The following PEX10 variants were observed in gnomAD, a reference collection of about 807,000 sequenced individuals.
The protein encoded by PEX10 is peroxisomal biogenesis factor 10.
A neutral mutation model predicts 38.0 loss-of-function variants in PEX10; 32 were observed. That is an observed-to-expected ratio of 0.84 (90% CI 0.63 to 1.13). The LOEUF is 1.13. PEX10 is among the 50% of genes most tolerant of loss of function. The probability of loss-of-function intolerance (pLI) is 0.00; values close to 1 mark genes in which losing one functional copy is unlikely to be tolerated. For synonymous variants in PEX10, 206 were observed against 207.3 expected (o/e 0.99, Z 0.05); for missense variants, 483 against 457.7 (o/e 1.06, Z -0.51).
In PEX10 at chr1:2,408,633, CCT is replaced by C. The variant is rs776590711; in HGVS notation, c.417_418del (p.Arg142AlafsTer12). 2.5e-6 allele frequency: 4 copies of C among 1,610,742 alleles called. No individual in the cohort carries two copies. The highest frequency in any genetic ancestry group is 2.5e-6 in the Non-Finnish European group (3 of 1,179,324). ...GTGGTGACGCATCCAGCGCCGCGCC[CCT>C]GAGCAGCCACGCCCACCTGGCCCCA... On this transcript the variant is annotated frameshift_variant, in exon 3 of 6. Transcript: ENST00000447513. LOFTEE classifies it high-confidence loss of function.
chr1:2,412,555 G>C lies in PEX10; in HGVS notation c.-53C>G, dbSNP rs1028936496. The C allele has an allele frequency of 5.6e-6, 7 of 1,247,080 alleles. No homozygotes were observed. The highest frequency in any genetic ancestry group is 2.2e-5 in the South Asian group (1 of 44,748). The allele number at this position is 1,247,080 out of a possible 1,614,324, so 77.3% of individuals were successfully genotyped here. A position where few individuals can be genotyped will look rare whatever the true frequency, so the allele number is the denominator to read the frequency against. On this transcript the variant is annotated 5_prime_UTR_variant, in exon 1 of 6. Transcript: ENST00000447513. Reference sequence around the variant, plus strand: ...GCCACGCCGGCCACGCCCACGCCCAGACGGGCGAGAACTGATGACGGCACG... The same window carrying C: ...GCCACGCCGGCCACGCCCACGCCCACACGGGCGAGAACTGATGACGGCACG...
upstream of PEX10, among the ~76,000 whole-genome samples, chr1:2,412,798 G>C (rs1209764200): frequency 1.3e-5 from 2 of 152,110 alleles, no homozygotes; most frequent in South Asian, 2.1e-4. Flanking sequence ...CGCGAGGGGC[G>C]CTGGCGAGGC....
rs760677467 is a variant in PEX10 at position 2,405,172 on chromosome 1, G to A, written c.*594C>T. 11 of 178,092 alleles carry A rather than the reference G, an allele frequency of 6.2e-5. No homozygotes were observed. The highest frequency in any genetic ancestry group is 1.5e-4 in the East Asian group (1 of 6,712). 11.0% of individuals were successfully genotyped at this position (178,092 alleles called of 1,614,324 possible). A position where few individuals can be genotyped will look rare whatever the true frequency, so the allele number is the denominator to read the frequency against. ...GGTGTGTGTGCCAAATGCTTCCGAC[G>A]GAGGTGCTGGCCTTGGTTGGTTTCT... On this transcript the variant is annotated 3_prime_UTR_variant, in exon 6 of 6. Transcript: ENST00000447513.
At position 2,412,507 on chromosome 1, in the gene PEX10, G is replaced by C. The variant is rs1643280296; in HGVS notation, c.-5C>G. 1 of 1,355,248 alleles carries C rather than the reference G, an allele frequency of 7.4e-7. No individual in the cohort carries two copies. The highest frequency in any genetic ancestry group is 1.5e-5 in the African/African-American group (1 of 65,506). The allele number at this position is 1,355,248 out of a possible 1,614,324, so 84.0% of individuals were successfully genotyped here. The stretch of plus-strand genomic sequence containing the variant: ...GCTGGCGGCGGCCGGGGCCATGGCC[G>C]CGGGTTCGGGTGGTCCCGAGCAGCC... On this transcript the variant is annotated 5_prime_UTR_variant, in exon 1 of 6. Coordinates refer to ENST00000447513, the MANE Select transcript of PEX10 (RefSeq NM_002617.4).
At position 2,410,974 on chromosome 1, in the gene PEX10, CA is replaced by C; in HGVS notation, c.113-524del. 1 of 421,632 alleles carries C rather than the reference CA, an allele frequency of 2.4e-6. No homozygotes were observed. Among genetic ancestry groups the C allele is most frequent in the Non-Finnish European group, 4.8e-6 (1 of 207,594 alleles). 26.1% of individuals were successfully genotyped at this position (421,632 alleles called of 1,614,324 possible). The stretch of plus-strand genomic sequence containing the variant: ...ACTGTAAAACAAGTAAGTACACACA[CA>C]AAAAATTCTCATCATGTCACTCTCC... On this transcript the variant is annotated intron_variant, in intron 1 of 5. Coordinates refer to ENST00000447513, the MANE Select transcript of PEX10 (RefSeq NM_002617.4). The surrounding 1 kb of genome is among the most constrained non-coding windows in gnomAD (Gnocchi z 5.1).
At position 2,408,518 on chromosome 1, in the gene PEX10, A is replaced by G. The variant is rs1570105385; in HGVS notation, c.534T>C (p.His178=). ...RQGLACLQRL[H]VAWFYIHGVF... is the part of the protein sequence containing the mutation. Reference sequence around the variant, plus strand: ...CACCGTGGATGTAAAACCAGGCAACATGTAGCCGCTGGAGGCAGGCGAGGC... The same window carrying G: ...CACCGTGGATGTAAAACCAGGCAACGTGTAGCCGCTGGAGGCAGGCGAGGC... Residue 178 remains histidine, a synonymous_variant, in exon 3 of 6, where the codon CAT becomes CAC. Transcript: ENST00000447513. 1 of 1,612,930 alleles carries G rather than the reference A, an allele frequency of 6.2e-7. No individual in the cohort carries two copies. Among genetic ancestry groups the G allele is most frequent in the East Asian group, 2.2e-5 (1 of 44,878 alleles).
At position 2,405,831 on chromosome 1, in the gene PEX10, C is replaced by G; in HGVS notation, c.916G>C (p.Glu306Gln). 6.3e-7 allele frequency: 1 copy of G among 1,593,482 alleles called. No homozygotes were observed. Among genetic ancestry groups the G allele is most frequent in the Non-Finnish European group, 8.5e-7 (1 of 1,170,870 alleles). ...CITAWCSSKAECPLCREKFPP... is the reference protein window; with the variant it reads ...CITAWCSSKAQCPLCREKFPP... ...AACTTCTCCCGGCAGAGGGGACACT[C>G]CGCCTGCGGAGAGGAGAAAGGGGGT... is the stretch of plus-strand genomic sequence containing the variant. The change falls in exon 6 of 6, where the codon GAG becomes CAG. Residue 306 changes from glutamate (E) to glutamine (Q), a missense_variant. Transcript: ENST00000447513.
At chr1:2,408,238 G>T (rs1362601294) in intron 3 of PEX10, among the ~76,000 whole-genome samples, 1 of 152,178 alleles carries the variant, frequency 6.6e-6, no homozygotes, top group Admixed American at 6.5e-5. Flanking sequence ...TACACTTAGG[G>T]TCTGGACTTC....
At position 2,408,712 on chromosome 1, in the gene PEX10, C is replaced by G; in HGVS notation, c.340G>C (p.Glu114Gln). ...TCGGGGTCAGCCTGCAGCTCCTGCT[C>G]CAGGGGGAGCAGGGCCTTGTCCAGC... ...YLLDKALLPL[E>Q]QELQADPDSG... Residue 114 changes from glutamate to glutamine, a missense_variant, in exon 3 of 6, where the codon GAG becomes CAG. By Grantham distance (29) the Glu-to-Gln change is conservative (BLOSUM62 2). Coordinates refer to ENST00000447513, the MANE Select transcript of PEX10 (RefSeq NM_002617.4). 6.2e-7 allele frequency: 1 copy of G among 1,613,668 alleles called. No homozygotes were observed. Among genetic ancestry groups the G allele is most frequent in the South Asian group, 1.1e-5 (1 of 91,082 alleles).
chr1:2,408,652 C>T lies in PEX10; in HGVS notation c.400G>A (p.Gly134Ser), dbSNP rs769426993. Reference sequence around the variant, plus strand: ...CGCGCCCCTGAGCAGCCACGCCCACCTGGCCCCAGGCTCCCCTGCAAGGGT... The same window carrying T: ...CGCGCCCCTGAGCAGCCACGCCCACTTGGCCCCAGGCTCCCCTGCAAGGGT... ...GRPLQGSLGP[G>S]GRGCSGARRW... Residue 134 changes from glycine (G) to serine (S), a missense_variant, in exon 3 of 6, where the codon GGT becomes AGT. Physicochemically the swap from Gly to Ser is moderately conservative, Grantham distance 56 (BLOSUM62 0). Coordinates refer to ENST00000447513, the MANE Select transcript of PEX10 (RefSeq NM_002617.4). The T allele has an allele frequency of 6.2e-7, 1 of 1,611,252 alleles. No homozygotes were observed. Among genetic ancestry groups the T allele is most frequent in the Non-Finnish European group, 8.5e-7 (1 of 1,179,102 alleles).
chr1:2,407,212 A>AG (rs1460798396), intron 3 of PEX10, among the ~76,000 whole-genome samples: 1 of 152,216 alleles, frequency 6.6e-6, no homozygotes, highest in African/African-American at 2.4e-5. Flanking sequence ...CTCTCAGAAA[A>AG]GGAGGCGGGG....
chr1:2,411,453 G>A (rs1347594204), intron 1 of PEX10, among the ~76,000 whole-genome samples: 3 of 151,606 alleles, frequency 2.0e-5, no homozygotes, highest in Admixed American at 6.6e-5. Context: ...GACTGGTCTC[G>A]AACTCCTGAC....
chr1:2,405,662 A>G lies in PEX10; in HGVS notation c.*104T>C, dbSNP rs954486147. On this transcript the variant is annotated 3_prime_UTR_variant, in exon 6 of 6. Transcript: ENST00000447513. Reference sequence around the variant, plus strand: ...TAGTATCTTACATGACAAAAAACTGAGAGTGTTCTAACTTCTGTGCAAGCA... The same window carrying G: ...TAGTATCTTACATGACAAAAAACTGGGAGTGTTCTAACTTCTGTGCAAGCA... The G allele has an allele frequency of 9.7e-7, 1 of 1,025,956 alleles. No homozygotes were observed. The highest frequency in any genetic ancestry group is 2.6e-5 in the East Asian group (1 of 38,596). 63.6% of individuals were successfully genotyped at this position (1,025,956 alleles called of 1,614,324 possible).
chr1:2,410,195 T>G lies in PEX10; in HGVS notation c.193+176A>C. On this transcript the variant is annotated intron_variant, in intron 2 of 5. Coordinates refer to ENST00000447513, the MANE Select transcript of PEX10 (RefSeq NM_002617.4). The surrounding 1 kb of genome is among the most constrained non-coding windows in gnomAD (Gnocchi z 5.1). The stretch of plus-strand genomic sequence containing the variant: ...ACAAAGGCTGGAAAAGTCGGCTCCC[T>G]GCTGGGAGCAGATGCCTCGCCTCCC... 1.5e-6 allele frequency: 1 copy of G among 652,822 alleles called. No homozygotes were observed. Among genetic ancestry groups the G allele is most frequent in the South Asian group, 1.6e-5 (1 of 61,128 alleles). The allele number at this position is 652,822 out of a possible 1,614,324, so 40.4% of individuals were successfully genotyped here.
chr1:2,413,308 C>G (rs1643348742), upstream of PEX10, among the ~76,000 whole-genome samples: 1 of 152,274 alleles, frequency 6.6e-6, no homozygotes, highest in African/African-American at 2.4e-5. Flanking sequence ...CCACCCTCCA[C>G]CCTGCCTGGC....
At position 2,406,819 on chromosome 1, in the gene PEX10, A is replaced by G. The variant is rs746710198; in HGVS notation, c.677T>C (p.Leu226Pro). The G allele has an allele frequency of 8.1e-6, 13 of 1,610,936 alleles. No homozygotes were observed. The Admixed American group carries it at 1.2e-4, about 15-fold the overall frequency. The change falls in exon 4 of 6, where the codon CTG (leucine) becomes CCG (proline). Residue 226 changes from leucine to proline, a missense_variant. Leu to Pro is a moderately conservative substitution (Grantham distance 98). Coordinates refer to ENST00000447513, the MANE Select transcript of PEX10 (RefSeq NM_002617.4). ...CAGCCCCATGGACAGCACCAGGTGC[A>G]GCAGTGAGATGACCCCCAGCAGCCT... ...SYRLLGVISLLHLVLSMGLQL... is the reference protein window; with the variant it reads ...SYRLLGVISLPHLVLSMGLQL...
rs1193231965 is a variant in PEX10, at chr1:2,409,526, C to T, written c.194-668G>A. Among the ~76,000 whole-genome samples, 5 of 152,198 alleles carry T rather than the reference C, an allele frequency of 3.3e-5. No homozygotes were observed. Among genetic ancestry groups the T allele is most frequent in the Non-Finnish European group, 7.3e-5 (5 of 68,040 alleles). On this transcript the variant is annotated intron_variant, in intron 2 of 5. Coordinates refer to ENST00000447513, the MANE Select transcript of PEX10 (RefSeq NM_002617.4). This position sits in a 1 kb window ranked among gnomAD's most constrained non-coding sequence, Gnocchi z 6.2. ...GCCCCTGCTCTGTACCACCACCATC[C>T]TGTGGGGGACTGTCACAGCCTCTGT...
rs1031145078 is a variant in PEX10 at position 2,410,213 on chromosome 1, C to A, written c.193+158G>T. 5.8e-6 allele frequency: 4 copies of A among 687,274 alleles called. No homozygotes were observed. The highest frequency in any genetic ancestry group is 1.1e-5 in the Non-Finnish European group (4 of 377,100). The allele number at this position is 687,274 out of a possible 1,614,324, so 42.6% of individuals were successfully genotyped here. On this transcript the variant is annotated intron_variant, in intron 2 of 5. Coordinates refer to ENST00000447513, the MANE Select transcript of PEX10 (RefSeq NM_002617.4). This position sits in a 1 kb window ranked among gnomAD's most constrained non-coding sequence, Gnocchi z 5.1. Reference sequence around the variant, plus strand: ...GGCTCCCTGCTGGGAGCAGATGCCTCGCCTCCCTCGGAGCAGTACCTCCTG... The same window carrying A: ...GGCTCCCTGCTGGGAGCAGATGCCTAGCCTCCCTCGGAGCAGTACCTCCTG...
rs1387899695 is a variant in PEX10, at chr1:2,408,683, A to G, written c.369T>C (p.Ser123=). 4 of 1,612,848 alleles carry G rather than the reference A, an allele frequency of 2.5e-6. No individual in the cohort carries two copies. Among genetic ancestry groups the G allele is most frequent in the Non-Finnish European group, 3.4e-6 (4 of 1,179,520 alleles). Residue 123 remains serine, a synonymous_variant, in exon 3 of 6, where the codon AGT becomes AGC. Coordinates refer to ENST00000447513, the MANE Select transcript of PEX10 (RefSeq NM_002617.4). ...LEQELQADPD[S]GRPLQGSLGP... is the part of the protein sequence containing the mutation. ...CCAGGCTCCCCTGCAAGGGTCGCCC[A>G]CTGTCGGGGTCAGCCTGCAGCTCCT... is the stretch of plus-strand genomic sequence containing the variant.
Sources: allele counts gnomAD v4.1 joint callset (sites outside exome capture counted in the v4.1 genomes callset), GRCh38; gene constraint gnomAD v4.1.1; non-coding constraint Gnocchi (gnomAD v3.1); transcripts MANE v1.5; gene names NCBI Gene and HGNC (gene_info 2026-07-23, HGNC 2026-07-21).